WWOX: variants seen among roughly 807,000 people sequenced by gnomAD.
The protein encoded by WWOX is WW domain-containing oxidoreductase.
A neutral mutation model predicts 46.2 loss-of-function variants in WWOX; 69 were observed. The observed-to-expected ratio is 1.49, with a 90% CI of 1.23 to 1.82. The LOEUF (loss-of-function observed/expected upper bound fraction) is 1.82. Ranked by LOEUF, WWOX falls within the 40% of genes most tolerant of loss-of-function variation. The probability of loss-of-function intolerance (pLI) is 0.00; values close to 1 mark genes in which losing one functional copy is unlikely to be tolerated. For missense variants in WWOX, 919 were observed against 542.6 expected, an observed-to-expected ratio of 1.69 and a Z score of -6.89; for synonymous variants, 359 against 202.6, an observed-to-expected ratio of 1.77 and a Z score of -6.56.
intron 5 of WWOX, among the ~76,000 whole-genome samples, chr16:78,192,881 G>A (rs574650811): frequency 1.3e-3 from 204 of 152,286 alleles, no homozygotes; most frequent in African/African-American, 4.8e-3. Flanking sequence ...TTTCTCAGTC[G>A]ATTGACAAGG....
chr16:78,961,908 C>G (rs116548828), intron 8 of WWOX, among the ~76,000 whole-genome samples: 3 of 152,096 alleles, frequency 2.0e-5, no homozygotes, highest in African/African-American at 7.2e-5. Context: ...AGACCTATTG[C>G]CTTCAGATTT....
intron 4 of WWOX, among the ~76,000 whole-genome samples, chr16:78,115,901 G>A (rs2032758417): frequency 1.3e-5 from 2 of 152,210 alleles, no homozygotes; most frequent in Admixed American, 6.5e-5. Flanking sequence ...GCATTTGGCT[G>A]TCTTCTGTCA....
chr16:78,725,403 A>G lies in WWOX; in HGVS notation c.1056+292651A>G, dbSNP rs1324754610. On this transcript the variant is annotated intron_variant, in intron 8 of 8. Coordinates refer to ENST00000566780, the MANE Select transcript of WWOX (RefSeq NM_016373.4). ...ACTCTTGTTGCCTAGGCTGGAGTGCAGTGGTGCAATCTGGGCTCCCTGCAA... is the reference window on the plus strand; with the variant it reads ...ACTCTTGTTGCCTAGGCTGGAGTGCGGTGGTGCAATCTGGGCTCCCTGCAA... Among the ~76,000 whole-genome samples the G allele has an allele frequency of 5.0e-5, 6 of 119,764 alleles. No individual in the cohort carries two copies. In the East Asian group the frequency reaches 1.3e-3, roughly 26 times the overall value. The allele number at this position is 119,764 out of a possible 152,430, so 78.6% of individuals were successfully genotyped here.
intron 8 of WWOX, among the ~76,000 whole-genome samples, chr16:78,809,196 G>A (rs1033514342): frequency 6.6e-6 from 1 of 151,368 alleles, no homozygotes; most frequent in Admixed American, 6.6e-5. Flanking sequence ...CTCCTGGATG[G>A]TTTCCTTTAG....
chr16:78,702,664 A>T (rs1171359658), intron 8 of WWOX, among the ~76,000 whole-genome samples: 1 of 110,522 alleles, frequency 9.0e-6, no homozygotes, highest in Non-Finnish European at 2.1e-5. Context: ...CAAAAAAAAG[A>T]ACAAAAAAAA....
chr16:78,698,052 C>CTACT (rs2048137944), intron 8 of WWOX, among the ~76,000 whole-genome samples: 1 of 152,174 alleles, frequency 6.6e-6, no homozygotes, highest in Non-Finnish European at 1.5e-5. Flanking sequence ...ATTATAAATG[C>CTACT]TACTTAAAAT....
At chr16:79,176,305 C>A (rs372790202) in intron 8 of WWOX, among the ~76,000 whole-genome samples, 1 of 152,172 alleles carries the variant, frequency 6.6e-6, no homozygotes, top group African/African-American at 2.4e-5. Context: ...GTTCCATTCT[C>A]CCTGCTGATA....
intron 8 of WWOX, among the ~76,000 whole-genome samples, chr16:78,558,254 G>A (rs1018137490): frequency 3.9e-5 from 6 of 152,200 alleles, no homozygotes; most frequent in African/African-American, 1.4e-4. Flanking sequence ...TCTAGTGCCT[G>A]GAGTCTCCAT....
At chr16:78,317,576 T>A (rs1025684230) in intron 5 of WWOX, among the ~76,000 whole-genome samples, 23 of 151,778 alleles carry the variant, frequency 1.5e-4, no homozygotes, top group African/African-American at 5.1e-4. Context: ...AACCTGAGAG[T>A]GTGTGACTGT....
intron 8 of WWOX, among the ~76,000 whole-genome samples, chr16:78,948,958 A>G (rs1009532206): frequency 2.0e-5 from 3 of 152,098 alleles, no homozygotes; most frequent in African/African-American, 7.2e-5. Flanking sequence ...GCAGGGAAGG[A>G]TTTCACGTAC....
chr16:78,342,122 A>T (rs2081027152), intron 5 of WWOX, among the ~76,000 whole-genome samples: 1 of 121,142 alleles, frequency 8.3e-6, no homozygotes, highest in South Asian at 2.5e-4. Context: ...TCTCAAGAAA[A>T]TGTTCAAGAA....
intron 8 of WWOX, among the ~76,000 whole-genome samples, chr16:78,512,515 G>C (rs1043990129): frequency 1.3e-5 from 2 of 152,074 alleles, no homozygotes; most frequent in African/African-American, 4.8e-5. Context: ...TATTTACTTA[G>C]CATTGAATGC....
rs11863359 is a variant in WWOX, at chr16:78,927,163, A to G, written c.1057-284445A>G. 5.8e-3 allele frequency among the ~76,000 whole-genome samples: 886 copies of G among 152,310 alleles called. 11 individuals are homozygous for G. Among genetic ancestry groups the G allele is most frequent in the South Asian group, 0.054 (259 of 4,828 alleles). ...CTCCAGCCTGAGTTTTCTCCTGTAT[A>G]AAATGGACCTTGTTTTGAGGAGAGA... On this transcript the variant is annotated intron_variant, in intron 8 of 8. Coordinates refer to ENST00000566780, the MANE Select transcript of WWOX (RefSeq NM_016373.4).
intron 8 of WWOX, among the ~76,000 whole-genome samples, chr16:78,645,693 G>A (rs1002839090): frequency 6.6e-6 from 1 of 152,094 alleles, no homozygotes. Context: ...ATCTAGCCAT[G>A]AGGGATCCAC....
chr16:78,787,375 T>TTTGAGATATCC (rs1452108007), intron 8 of WWOX, among the ~76,000 whole-genome samples: 1 of 152,170 alleles, frequency 6.6e-6, no homozygotes, highest in Non-Finnish European at 1.5e-5. Context: ...TGTGTCTCTA[T>TTTGAGATATCC]AGATTTGACT....
chr16:78,592,973 T>G (rs949568425), intron 8 of WWOX, among the ~76,000 whole-genome samples: 1 of 152,126 alleles, frequency 6.6e-6, no homozygotes, highest in South Asian at 2.1e-4. Flanking sequence ...CTCCCAGTGG[T>G]GGTGATTTAG....
At position 78,949,913 on chromosome 16, in the gene WWOX, C is replaced by A. The variant is rs139094881; in HGVS notation, c.1057-261695C>A. On this transcript the variant is annotated intron_variant, in intron 8 of 8. Transcript: ENST00000566780. ...TAATAGTAGCAGCAGTATTTATCTA[C>A]TGTTTATTGTATTCCAGGTAAAGGA... 4.6e-5 allele frequency among the ~76,000 whole-genome samples: 7 copies of A among 152,308 alleles called. No individual in the cohort carries two copies. The East Asian group carries it at 1.4e-3, about 29-fold the overall frequency.
chr16:78,422,746 T>C (rs1441913166), intron 6 of WWOX, among the ~76,000 whole-genome samples: 8 of 103,596 alleles, frequency 7.7e-5, no homozygotes, highest in African/African-American at 3.7e-4. Context: ...CACATATATA[T>C]ACACATATAT....
chr16:79,058,160 T>C (rs955832087), intron 8 of WWOX, among the ~76,000 whole-genome samples: 14 of 151,574 alleles, frequency 9.2e-5, no homozygotes, highest in Admixed American at 7.9e-4. Context: ...TCATTTGTTA[T>C]AGTTCCAGGA....
Sources: gnomAD v4.1 joint callset for allele counts (sites outside exome capture counted in the v4.1 genomes callset) on GRCh38, gnomAD v4.1.1 for gene constraint, MANE v1.5 for transcripts, NCBI Gene and HGNC (gene_info 2026-07-23, HGNC 2026-07-21) for gene names.